The following KIAA0232 variants were observed in gnomAD, a reference collection of about 807,000 sequenced individuals.
KIAA0232 encodes KIAA0232, also known as uncharacterized protein KIAA0232.
Under a neutral mutation model 122.0 loss-of-function variants are expected in KIAA0232, and 27 were observed. The observed-to-expected ratio is 0.22, with a 90% CI of 0.16 to 0.31. KIAA0232 has a LOEUF of 0.31. Ranked by LOEUF, KIAA0232 falls within the 10% of genes least tolerant of loss-of-function variation. The pLI, the probability that KIAA0232 is intolerant of heterozygous loss-of-function variation, is 1.00. For missense variants in KIAA0232, 1,551 were observed against 1,634.2 expected, an observed-to-expected ratio of 0.95 and a Z score of 0.88; for synonymous variants, 613 against 587.6, an observed-to-expected ratio of 1.04 and a Z score of -0.63.
chr4:6,876,255 C>T (rs1308161789), intron 8 of KIAA0232, among the ~76,000 whole-genome samples: 1 of 152,190 alleles, frequency 6.6e-6, no homozygotes, highest in East Asian at 1.9e-4. Context: ...GTCCTATGAA[C>T]GTGCTATGAT....
At chr4:6,845,760 T>C (rs1399832965) in intron 4 of KIAA0232, among the ~76,000 whole-genome samples, 2 of 152,196 alleles carry the variant, frequency 1.3e-5, no homozygotes, top group Admixed American at 1.3e-4. Context: ...GCCTAGCCTT[T>C]GACTCACGGT....
intron 6 of KIAA0232, among the ~76,000 whole-genome samples, chr4:6,858,715 T>C (rs1366699913): frequency 6.6e-6 from 1 of 152,252 alleles, no homozygotes; most frequent in Admixed American, 6.5e-5. Context: ...TCAATATTTG[T>C]GGAACAAATG....
chr4:6,819,356 G>A (rs960327861), intron 2 of KIAA0232, among the ~76,000 whole-genome samples: 1 of 151,962 alleles, frequency 6.6e-6, no homozygotes, highest in African/African-American at 2.4e-5. Flanking sequence ...TGCAAACTGT[G>A]CATCTGACAC....
At chr4:6,783,014 TG>T (rs1716416241) in intron 1 of KIAA0232, among the ~76,000 whole-genome samples, 173 bp downstream of exon 1, 2 of 133,276 alleles carry the variant, frequency 1.5e-5, no homozygotes. Context: ...GCCGCCGCCG[TG>T]GGCTCTGGGG....
chr4:6,870,660 G>A (rs1049214205), intron 7 of KIAA0232, among the ~76,000 whole-genome samples: 5 of 152,088 alleles, frequency 3.3e-5, no homozygotes, highest in Admixed American at 1.3e-4. Context: ...AAAATTAGCC[G>A]GGGTGGTGGT....
chr4:6,883,483 G>T lies in KIAA0232; in HGVS notation c.*2517G>T, dbSNP rs1722177068. On this transcript the variant is annotated 3_prime_UTR_variant, in exon 10 of 10. Transcript: ENST00000307659. ...GCCCAGGTTACATTTGTTCTAGATG[G>T]AGGTCATTTAGCTCTCATTGCAGAC... 6.6e-6 allele frequency: 1 copy of T among 152,162 alleles called. No individual in the cohort carries two copies. The highest frequency in any genetic ancestry group is 2.4e-5 in the African/African-American group (1 of 41,442). 9.4% of individuals were successfully genotyped at this position (152,162 alleles called of 1,614,324 possible).
intron 1 of KIAA0232, among the ~76,000 whole-genome samples, chr4:6,797,982 C>T (rs573715335): frequency 1.1e-4 from 16 of 149,926 alleles, no homozygotes; most frequent in Non-Finnish European, 1.8e-4. Flanking sequence ...GGCATGAACC[C>T]GAGAGGTGGA....
chr4:6,873,617 ATTAGTTAGTAAAGAATCCAGTTTCACCTC>A (rs373049113), intron 8 of KIAA0232, among the ~76,000 whole-genome samples: 2,175 of 152,324 alleles, frequency 0.014, 52 homozygotes, highest in African/African-American at 0.049. Flanking sequence ...GTTTTCTGTC[ATTAGTTAGTAAAGAATCCAGTTTCACCTC>A]TTAGCTCTAG....
chr4:6,794,619 C>T (rs571141764), intron 1 of KIAA0232, among the ~76,000 whole-genome samples: 8 of 152,022 alleles, frequency 5.3e-5, no homozygotes, highest in African/African-American at 1.7e-4. Flanking sequence ...TGAGCAGAGA[C>T]CTGAAGAGGA....
At chr4:6,813,625 G>A (rs1390686456) in intron 2 of KIAA0232, among the ~76,000 whole-genome samples, 2 of 152,124 alleles carry the variant, frequency 1.3e-5, no homozygotes, top group African/African-American at 4.8e-5. Context: ...GCCTCCCAAA[G>A]TGCTGGGATT....
At chr4:6,851,505 T>G (rs1577398469) in intron 4 of KIAA0232, among the ~76,000 whole-genome samples, 1 of 151,906 alleles carries the variant, frequency 6.6e-6, no homozygotes. Flanking sequence ...CCTGGCAGTT[T>G]GAAACCAGTT....
chr4:6,862,915 A>G lies in KIAA0232; in HGVS notation c.2533A>G (p.Arg845Gly). The G allele has an allele frequency of 6.2e-7, 1 of 1,614,240 alleles. No homozygotes were observed. Among genetic ancestry groups the G allele is most frequent in the South Asian group, 1.1e-5 (1 of 91,088 alleles). ...TTCTGTGGCTACAGTAGAAATAGAA[A>G]GAACTGATGCTGAGTTGTTTTCGGC... ...TNSVATVEIE[R>G]TDAELFSADV... Residue 845 changes from arginine to glycine, a missense_variant, in exon 7 of 10, where the codon AGA (arginine) becomes GGA (glycine). This residue lies in a region of KIAA0232 where 1,108 missense variants were observed against 1,154.8 expected (regional missense o/e 0.96). Coordinates refer to ENST00000307659, the MANE Select transcript of KIAA0232 (RefSeq NM_014743.3).
At chr4:6,800,710 G>T (rs1468701983) in intron 1 of KIAA0232, among the ~76,000 whole-genome samples, 1 of 151,912 alleles carries the variant, frequency 6.6e-6, no homozygotes, top group Non-Finnish European at 1.5e-5. Context: ...TGGAGGAAAA[G>T]ACCTTGCTCA....
chr4:6,870,883 G>A (rs1721443706), intron 7 of KIAA0232, among the ~76,000 whole-genome samples: 1 of 152,140 alleles, frequency 6.6e-6, no homozygotes, highest in Non-Finnish European at 1.5e-5. Flanking sequence ...GGAGAAGAGG[G>A]TTCCCCCTGT....
At chr4:6,807,018 T>TTGTCTGTCTGTCTGTC (rs565964056) in intron 2 of KIAA0232, among the ~76,000 whole-genome samples, 4 of 145,318 alleles carry the variant, frequency 2.8e-5, no homozygotes, top group African/African-American at 1.0e-4. Context: ...TTTTTCCTTT[T>TTGTCTGTCTGTCTGTC]TGTCTGTCTG....
At chr4:6,818,890 T>C (rs1345402004) in intron 2 of KIAA0232, among the ~76,000 whole-genome samples, 1 of 152,006 alleles carries the variant, frequency 6.6e-6, no homozygotes, top group East Asian at 1.9e-4. Context: ...TGTAGACCAA[T>C]GGAACGGAAT....
At chr4:6,841,221 C>T (rs1411395206) in intron 3 of KIAA0232, among the ~76,000 whole-genome samples, 1 of 152,174 alleles carries the variant, frequency 6.6e-6, no homozygotes, top group Non-Finnish European at 1.5e-5. Context: ...TCTCCATCCC[C>T]ACACAAATTT....
At chr4:6,818,408 A>G (rs1460372774) in intron 2 of KIAA0232, among the ~76,000 whole-genome samples, 1 of 151,696 alleles carries the variant, frequency 6.6e-6, no homozygotes, top group Admixed American at 6.6e-5. Context: ...TCAAAAAAAA[A>G]AAAAAAAAAA....
At chr4:6,828,822 G>A (rs1718825537) in intron 3 of KIAA0232, among the ~76,000 whole-genome samples, 1 of 152,112 alleles carries the variant, frequency 6.6e-6, no homozygotes, top group South Asian at 2.1e-4. Context: ...ACCTCTCTGA[G>A]TAAACTAGCA....
Sources: allele counts gnomAD v4.1 joint callset (sites outside exome capture counted in the v4.1 genomes callset), GRCh38; gene constraint gnomAD v4.1.1; regional missense constraint gnomAD v4.1.1; transcripts MANE v1.5; gene names NCBI Gene and HGNC (gene_info 2026-07-23, HGNC 2026-07-21).